The following FEZ2 variants were observed in gnomAD, a reference collection of about 807,000 sequenced individuals.
FEZ2 encodes fasciculation and elongation protein zeta-2.
In FEZ2, 51 loss-of-function variants were observed where a neutral mutation model predicts 40.4. The ratio of observed to expected loss-of-function variants is 1.26; its 90% CI spans 1.01 to 1.59. The LOEUF is 1.59. Ranked by LOEUF, FEZ2 falls within the 40% of genes most tolerant of loss-of-function variation. The pLI, the probability that FEZ2 is intolerant of heterozygous loss-of-function variation, is 0.00. For synonymous variants in FEZ2, 242 were observed against 172.0 expected (o/e 1.41, Z -3.18); for missense variants, 640 against 438.3 (o/e 1.46, Z -4.11).
intron 5 of FEZ2, among the ~76,000 whole-genome samples, chr2:36,573,528 A>C (rs1206053068): frequency 6.6e-6 from 1 of 152,266 alleles, no homozygotes; most frequent in Non-Finnish European, 1.5e-5. Flanking sequence ...CCGGGATTCA[A>C]TCTCCTGTAC....
chr2:36,579,005 A>AT, intron 4 of FEZ2, 140 bp from the exon 5 acceptor site: 1 of 686,560 alleles, frequency 1.5e-6, no homozygotes, highest in South Asian at 2.0e-5. Flanking sequence ...AAGCAATTAA[A>AT]TTGACTGTGG....
chr2:36,575,265 G>C (rs1371147553), intron 5 of FEZ2, among the ~76,000 whole-genome samples: 1 of 152,148 alleles, frequency 6.6e-6, no homozygotes, highest in Non-Finnish European at 1.5e-5. Context: ...GCCCACTGCA[G>C]CCTCAACCTC....
intron 5 of FEZ2, among the ~76,000 whole-genome samples, chr2:36,576,341 C>A (rs1668567582): frequency 6.6e-6 from 1 of 151,964 alleles, no homozygotes; most frequent in Non-Finnish European, 1.5e-5. Flanking sequence ...GCAATCTTGG[C>A]TCGCTGCAAC....
intron 5 of FEZ2, chr2:36,559,211 C>G (rs1374158982): frequency 6.6e-6 from 1 of 152,172 alleles, no homozygotes; most frequent in South Asian, 2.1e-4. Flanking sequence ...CTTCCTAGTT[C>G]ACTACTTGTA....
At chr2:36,576,846 G>T (rs1396723145) in intron 5 of FEZ2, among the ~76,000 whole-genome samples, 1 of 152,152 alleles carries the variant, frequency 6.6e-6, no homozygotes, top group African/African-American at 2.4e-5. Flanking sequence ...TTTTACATGG[G>T]AGTTACAAAA....
chr2:36,581,601 G>T, intron 3 of FEZ2, 170 bp from the exon 4 acceptor site: 1 of 587,064 alleles, frequency 1.7e-6, no homozygotes, highest in Non-Finnish European at 3.1e-6. Context: ...CTGTAGGAGT[G>T]AACATGGTTT....
chr2:36,591,944 C>T lies in FEZ2; in HGVS notation c.267-933G>A, dbSNP rs541190337. ...GTGTATTGAAGAGAGTCCCAAACCACACCAGATAAGAACACCAAACTCAAA... is the reference window on the plus strand; with the variant it reads ...GTGTATTGAAGAGAGTCCCAAACCATACCAGATAAGAACACCAAACTCAAA... On this transcript the variant is annotated intron_variant, in intron 1 of 7. Coordinates refer to ENST00000405912, the MANE Select transcript of FEZ2 (RefSeq NM_005102.3). 2.0e-5 allele frequency among the ~76,000 whole-genome samples: 3 copies of T among 152,304 alleles called. No individual in the cohort carries two copies. In the East Asian group the frequency reaches 5.8e-4, roughly 29 times the overall value.
chr2:36,567,159 C>T (rs1435495182), intron 5 of FEZ2, among the ~76,000 whole-genome samples: 1 of 151,996 alleles, frequency 6.6e-6, no homozygotes, highest in East Asian at 1.9e-4. Flanking sequence ...TTTTAAACGT[C>T]TCATAAGCTG....
intron 6 of FEZ2, chr2:36,557,739 A>G (rs1667992508): frequency 6.6e-6 from 1 of 152,170 alleles, no homozygotes; most frequent in Non-Finnish European, 1.5e-5. Flanking sequence ...GAGAGTAAGT[A>G]ACTTCCAAGG....
chr2:36,594,996 C>T (rs1669173056), intron 1 of FEZ2, among the ~76,000 whole-genome samples: 1 of 152,194 alleles, frequency 6.6e-6, no homozygotes, highest in South Asian at 2.1e-4. Flanking sequence ...GAACTGCCTT[C>T]ATCTTTATCA....
intron 1 of FEZ2, among the ~76,000 whole-genome samples, chr2:36,592,825 T>C (rs1277632194): frequency 1.3e-5 from 2 of 151,576 alleles, no homozygotes; most frequent in East Asian, 1.9e-4. Context: ...TAAAAATATA[T>C]AAATAAAATA....
chr2:36,567,325 C>T (rs1462655921), intron 5 of FEZ2, among the ~76,000 whole-genome samples: 1 of 151,524 alleles, frequency 6.6e-6, no homozygotes, highest in Non-Finnish European at 1.5e-5. Flanking sequence ...CAGGACAGAA[C>T]ATCAAGTTAT....
intron 2 of FEZ2, among the ~76,000 whole-genome samples, chr2:36,585,777 A>C (rs966471265): frequency 6.6e-5 from 10 of 152,342 alleles, no homozygotes; most frequent in South Asian, 2.1e-4. Flanking sequence ...TTACATTGGG[A>C]AGATGGGGAA....
At chr2:36,573,979 A>G (rs758404184) in intron 5 of FEZ2, among the ~76,000 whole-genome samples, 6 of 152,192 alleles carry the variant, frequency 3.9e-5, no homozygotes, top group African/African-American at 9.6e-5. Flanking sequence ...TGGAAATTCT[A>G]TCAGTTTCAG....
intron 2 of FEZ2, among the ~76,000 whole-genome samples, chr2:36,587,497 A>T (rs1160837208): frequency 6.6e-6 from 1 of 152,258 alleles, no homozygotes; most frequent in African/African-American, 2.4e-5. Context: ...CCCACGTAAG[A>T]ATTTGAAAGA....
intron 5 of FEZ2, among the ~76,000 whole-genome samples, chr2:36,576,743 G>T (rs1309799774): frequency 2.0e-5 from 3 of 152,200 alleles, no homozygotes; most frequent in Middle Eastern, 3.2e-3. Context: ...CAAGACCAAT[G>T]AAGGCTGAAG....
At chr2:36,563,747 A>G (rs900410453) in intron 5 of FEZ2, among the ~76,000 whole-genome samples, 2 of 152,066 alleles carry the variant, frequency 1.3e-5, no homozygotes, top group African/African-American at 2.4e-5. Context: ...GCTCTTCCCA[A>G]CATCATTTAT....
chr2:36,592,927 A>T (rs1487806503), intron 1 of FEZ2, among the ~76,000 whole-genome samples: 3 of 152,236 alleles, frequency 2.0e-5, no homozygotes, highest in Non-Finnish European at 4.4e-5. Context: ...TGCACAGTCC[A>T]TTCCTATTCT....
chr2:36,575,593 C>A (rs142829386), intron 5 of FEZ2, among the ~76,000 whole-genome samples: 1 of 152,136 alleles, frequency 6.6e-6, no homozygotes, highest in African/African-American at 2.4e-5. Context: ...TTATTTTAAA[C>A]CTAAAACTCC....
Sources: allele counts gnomAD v4.1 joint callset (sites outside exome capture counted in the v4.1 genomes callset), GRCh38; gene constraint gnomAD v4.1.1; transcripts MANE v1.5; gene names NCBI Gene and HGNC (gene_info 2026-07-23, HGNC 2026-07-21).